ZC3H12C: variants seen among roughly 807,000 people sequenced by gnomAD.
ZC3H12C encodes the protein probable ribonuclease ZC3H12C.
Under a neutral mutation model 76.3 loss-of-function variants are expected in ZC3H12C, and 20 were observed. The ratio of observed to expected loss-of-function variants is 0.26; its 90% CI spans 0.18 to 0.38. The LOEUF is 0.38. Ranked by LOEUF, ZC3H12C falls within the 10% of genes least tolerant of loss-of-function variation. The pLI is 1.00. For missense variants in ZC3H12C, 874 were observed against 1,086.5 expected, an observed-to-expected ratio of 0.80 and a Z score of 2.75; for synonymous variants, 352 against 399.6, an observed-to-expected ratio of 0.88 and a Z score of 1.42.
intron 2 of ZC3H12C, among the ~76,000 whole-genome samples, chr11:110,148,367 A>G (rs928720252): frequency 1.3e-5 from 2 of 152,194 alleles, no homozygotes; most frequent in African/African-American, 4.8e-5. Context: ...AGACCTACTG[A>G]CAATATTCTA....
intron 1 of ZC3H12C, among the ~76,000 whole-genome samples, chr11:110,107,416 T>A (rs1861350227): frequency 1.3e-5 from 2 of 152,164 alleles, no homozygotes; most frequent in African/African-American, 4.8e-5. Flanking sequence ...AGGATCTCAC[T>A]CTGTCACTCA....
chr11:110,120,720 A>C (rs1470026148), intron 1 of ZC3H12C, among the ~76,000 whole-genome samples: 1 of 152,224 alleles, frequency 6.6e-6, no homozygotes, highest in Non-Finnish European at 1.5e-5. Flanking sequence ...GGAATCTGCA[A>C]ATGATGAGGA....
chr11:110,124,789 C>T (rs1304020515), intron 1 of ZC3H12C, among the ~76,000 whole-genome samples: 1 of 149,776 alleles, frequency 6.7e-6, no homozygotes, highest in African/African-American at 2.5e-5. Flanking sequence ...AAGCAGAGGA[C>T]CAGAGACTTG....
At chr11:110,130,267 A>G (rs1433056019) in intron 1 of ZC3H12C, among the ~76,000 whole-genome samples, 1 of 152,186 alleles carries the variant, frequency 6.6e-6, no homozygotes, top group African/African-American at 2.4e-5. Flanking sequence ...CTCATTTGGC[A>G]CAAAGTTAGA....
chr11:110,163,209 T>C (rs1862512979), intron 4 of ZC3H12C, 64 bp from the exon 5 acceptor site: 4 of 1,407,926 alleles, frequency 2.8e-6, no homozygotes, highest in Non-Finnish European at 3.9e-6. Context: ...ATCTTTGTAC[T>C]CTTTTTAGAA....
intron 3 of ZC3H12C, 98 bp from the exon 4 acceptor site, chr11:110,159,158 A>T (rs1862431812): frequency 1.1e-6 from 1 of 884,320 alleles, no homozygotes; most frequent in Admixed American, 2.4e-5. Flanking sequence ...GATTTCATAT[A>T]TACAGCTTAT....
At chr11:110,108,729 T>C (rs1053007960) in intron 1 of ZC3H12C, among the ~76,000 whole-genome samples, 36 of 152,228 alleles carry the variant, frequency 2.4e-4, no homozygotes, top group African/African-American at 8.7e-4. Context: ...CACTGCTGTC[T>C]TGTGGACAGC....
At chr11:110,135,328 A>G (rs892549871) in intron 1 of ZC3H12C, among the ~76,000 whole-genome samples, 1 of 151,960 alleles carries the variant, frequency 6.6e-6, no homozygotes, top group African/African-American at 2.4e-5. Flanking sequence ...TGTCTCTACT[A>G]AAAATATAAA....
intron 1 of ZC3H12C, among the ~76,000 whole-genome samples, chr11:110,101,302 G>T (rs1314170909): frequency 6.6e-6 from 1 of 152,202 alleles, no homozygotes; most frequent in African/African-American, 2.4e-5. Flanking sequence ...AAGTTATCCA[G>T]CTCTAGCCAA....
intron 2 of ZC3H12C, among the ~76,000 whole-genome samples, chr11:110,140,691 C>G (rs1356521231): frequency 3.9e-5 from 6 of 152,150 alleles, no homozygotes; most frequent in Non-Finnish European, 7.4e-5. Flanking sequence ...AAATCTCTCC[C>G]CTGACTGGTG....
intron 1 of ZC3H12C, among the ~76,000 whole-genome samples, chr11:110,132,264 T>C (rs1446670282): frequency 6.6e-6 from 1 of 152,140 alleles, no homozygotes; most frequent in Non-Finnish European, 1.5e-5. Flanking sequence ...AGACGAAGAA[T>C]TATCCAAGTT....
intron 1 of ZC3H12C, among the ~76,000 whole-genome samples, chr11:110,118,212 T>C (rs989030247): frequency 4.6e-5 from 7 of 151,284 alleles, no homozygotes; most frequent in Admixed American, 4.0e-4. Context: ...TTCTTTAATA[T>C]TGTAATGCAG....
At chr11:110,126,335 C>G (rs549564838) in intron 1 of ZC3H12C, among the ~76,000 whole-genome samples, 2 of 151,024 alleles carry the variant, frequency 1.3e-5, no homozygotes, top group Admixed American at 6.6e-5. Context: ...CCTGCCTCAG[C>G]CTTCCGAGTA....
intron 1 of ZC3H12C, chr11:110,136,180 TC>T (rs1328088147): frequency 6.5e-6 from 1 of 152,800 alleles, no homozygotes; most frequent in African/African-American, 2.4e-5. Flanking sequence ...ATGGTTTCTT[TC>T]TATGTGGCTT....
intron 2 of ZC3H12C, among the ~76,000 whole-genome samples, chr11:110,145,443 G>A (rs1457771417): frequency 2.0e-5 from 3 of 152,106 alleles, no homozygotes; most frequent in Non-Finnish European, 4.4e-5. Flanking sequence ...TTCATAAGGC[G>A]TTCCTTTTAC....
At chr11:110,153,528 C>T (rs188982713) in intron 3 of ZC3H12C, among the ~76,000 whole-genome samples, 31 of 148,830 alleles carry the variant, frequency 2.1e-4, no homozygotes, top group Non-Finnish European at 4.4e-4. Context: ...ATTAATTAAA[C>T]ATTAATCATC....
rs779884827 is a variant in ZC3H12C at position 110,165,766 on chromosome 11, AGTT to A, written c.*30_*32del. On this transcript the variant is annotated 3_prime_UTR_variant, in exon 6 of 6. Transcript: ENST00000278590. The stretch of plus-strand genomic sequence containing the variant: ...ATGATGCATCTTTGTGGTGTTTAGT[AGTT>A]TTTTGTTCAGCTCAAATGCTGAGGG... 10 of 1,539,660 alleles carry A rather than the reference AGTT, an allele frequency of 6.5e-6. No homozygotes were observed. In the East Asian group the frequency reaches 2.4e-4, roughly 37 times the overall value.
At chr11:110,126,384 C>A (rs1310759462) in intron 1 of ZC3H12C, among the ~76,000 whole-genome samples, 1 of 151,354 alleles carries the variant, frequency 6.6e-6, no homozygotes, top group Non-Finnish European at 1.5e-5. Flanking sequence ...CCTGGCTAAT[C>A]TTTTATTTTT....
At chr11:110,094,934 ATT>A (rs1295499003) in intron 1 of ZC3H12C, among the ~76,000 whole-genome samples, 1 of 152,228 alleles carries the variant, frequency 6.6e-6, no homozygotes, top group Non-Finnish European at 1.5e-5. Flanking sequence ...TACTTCTAGT[ATT>A]TGGTCACCAT....
Sources: allele counts gnomAD v4.1 joint callset (sites outside exome capture counted in the v4.1 genomes callset), GRCh38; gene constraint gnomAD v4.1.1; transcripts MANE v1.5; gene names NCBI Gene and HGNC (gene_info 2026-07-23, HGNC 2026-07-21).